The following CALN1 variants were observed in gnomAD, a reference collection of about 807,000 sequenced individuals.
The protein encoded by CALN1 is calneuron 1, also known as calcium-binding protein 8.
In CALN1, 17 loss-of-function variants were observed where a neutral mutation model predicts 30.6. The ratio of observed to expected loss-of-function variants is 0.56; its 90% CI spans 0.38 to 0.83. The LOEUF (loss-of-function observed/expected upper bound fraction) is 0.83. Ranked by LOEUF, CALN1 falls within the 40% of genes least tolerant of loss-of-function variation. The pLI is 0.00. For missense variants in CALN1, 291 were observed against 354.9 expected, an observed-to-expected ratio of 0.82 and a Z score of 1.45; for synonymous variants, 156 against 131.4, an observed-to-expected ratio of 1.19 and a Z score of -1.28.
At chr7:71,814,641 C>CGGT (rs1788153079) in intron 5 of CALN1, among the ~76,000 whole-genome samples, 2 of 152,124 alleles carry the variant, frequency 1.3e-5, no homozygotes, top group Admixed American at 1.3e-4. Context: ...ACCAACACCT[C>CGGT]CTCTTCCTCC....
intron 3 of CALN1, among the ~76,000 whole-genome samples, chr7:72,202,282 A>G (rs1791491687): frequency 6.6e-6 from 1 of 152,210 alleles, no homozygotes; most frequent in African/African-American, 2.4e-5. Flanking sequence ...GAAAAGGATA[A>G]AAGAATGAAA....
At chr7:72,233,420 A>G (rs1010044847) in intron 3 of CALN1, among the ~76,000 whole-genome samples, 26 of 152,258 alleles carry the variant, frequency 1.7e-4, no homozygotes, top group Non-Finnish European at 1.2e-4. Context: ...GTTTCCTTTC[A>G]AGAGAGAGAA....
chr7:72,036,313 C>T (rs2129533016), intron 4 of CALN1, among the ~76,000 whole-genome samples: 1 of 152,270 alleles, frequency 6.6e-6, no homozygotes, highest in East Asian at 1.9e-4. Context: ...ATGTGTCTTG[C>T]TGTGGGTCTC....
At chr7:72,307,809 G>C (rs187704018) in intron 2 of CALN1, among the ~76,000 whole-genome samples, 2 of 152,112 alleles carry the variant, frequency 1.3e-5, no homozygotes, top group Admixed American at 1.3e-4. Flanking sequence ...GCCGGGCAGA[G>C]GACAATGACT....
the CALN1 span, among the ~76,000 whole-genome samples, chr7:72,492,809 C>T: frequency 6.6e-6 from 1 of 152,232 alleles, no homozygotes; most frequent in Non-Finnish European, 1.5e-5. Flanking sequence ...CAGTCGTGCT[C>T]CTGCAATGCA....
At chr7:72,160,728 C>A (rs1788047699) in intron 3 of CALN1, among the ~76,000 whole-genome samples, 1 of 152,158 alleles carries the variant, frequency 6.6e-6, no homozygotes, top group South Asian at 2.1e-4. Context: ...TACTTATTAT[C>A]TCAGCTTATC....
chr7:72,280,059 C>A (rs1425610977), intron 2 of CALN1, among the ~76,000 whole-genome samples: 2 of 152,228 alleles, frequency 1.3e-5, no homozygotes, highest in African/African-American at 4.8e-5. Flanking sequence ...CAGCATCCTA[C>A]ATGCTATTTC....
At chr7:72,033,829 G>C (rs1562995162) in intron 4 of CALN1, among the ~76,000 whole-genome samples, 1 of 152,186 alleles carries the variant, frequency 6.6e-6, no homozygotes, top group Non-Finnish European at 1.5e-5. Context: ...AGATCAATCT[G>C]GGGACAGTAT....
At chr7:72,129,468 A>C (rs1231373618) in intron 3 of CALN1, among the ~76,000 whole-genome samples, 1 of 152,194 alleles carries the variant, frequency 6.6e-6, no homozygotes, top group Non-Finnish European at 1.5e-5. Flanking sequence ...ATAGACAGAT[A>C]GATGAATTTT....
chr7:72,343,183 G>A (rs946766110), intron 2 of CALN1, among the ~76,000 whole-genome samples: 5 of 152,304 alleles, frequency 3.3e-5, no homozygotes, highest in African/African-American at 9.6e-5. Flanking sequence ...AAACATGAAG[G>A]GGCACAGGAA....
At chr7:72,154,728 T>C (rs1291500561) in intron 3 of CALN1, among the ~76,000 whole-genome samples, 1 of 152,080 alleles carries the variant, frequency 6.6e-6, no homozygotes, top group Non-Finnish European at 1.5e-5. Context: ...CTTAATCCGA[T>C]AAGGCTGGTG....
At chr7:72,501,928 A>AAATAT in the CALN1 span, among the ~76,000 whole-genome samples, 511 of 57,920 alleles carry the variant, frequency 8.8e-3, 75 homozygotes, top group African/African-American at 0.044. Context: ...AAAAAAAAAA[A>AAATAT]ATATATATAT....
intron 5 of CALN1, among the ~76,000 whole-genome samples, chr7:71,858,511 A>G (rs1462081841): frequency 1.3e-5 from 2 of 151,860 alleles, no homozygotes; most frequent in African/African-American, 2.4e-5. Flanking sequence ...AAGAAAAAAA[A>G]AAAAGCTACA....
chr7:72,199,409 A>AC (rs1424903890), intron 3 of CALN1, among the ~76,000 whole-genome samples: 1 of 152,192 alleles, frequency 6.6e-6, no homozygotes, highest in Non-Finnish European at 1.5e-5. Flanking sequence ...AAACAGCCTA[A>AC]ATCTAGAAGG....
At chr7:72,244,725 A>G (rs1795053176) in intron 3 of CALN1, among the ~76,000 whole-genome samples, 1 of 151,900 alleles carries the variant, frequency 6.6e-6, no homozygotes, top group African/African-American at 2.4e-5. Context: ...CAGACAGAGA[A>G]AATATAGTTA....
At chr7:72,494,782 G>A in the CALN1 span, among the ~76,000 whole-genome samples, 2 of 152,020 alleles carry the variant, frequency 1.3e-5, no homozygotes, top group African/African-American at 2.4e-5. Flanking sequence ...AGGAAAGATC[G>A]CTGGAGCTCA....
intron 3 of CALN1, among the ~76,000 whole-genome samples, chr7:72,190,260 C>T (rs1207401553): frequency 6.6e-6 from 1 of 152,170 alleles, no homozygotes; most frequent in Non-Finnish European, 1.5e-5. Flanking sequence ...CCAGGAGAAT[C>T]GCCTGAACCC....
chr7:72,211,126 C>T (rs745893830), intron 3 of CALN1, among the ~76,000 whole-genome samples: 1 of 152,098 alleles, frequency 6.6e-6, no homozygotes, highest in Non-Finnish European at 1.5e-5. Flanking sequence ...TCAAAGGGTT[C>T]GTATTGCCAA....
chr7:72,283,758 T>G (rs571236830), intron 2 of CALN1, among the ~76,000 whole-genome samples: 2 of 152,174 alleles, frequency 1.3e-5, no homozygotes, highest in Non-Finnish European at 2.9e-5. Context: ...TGTAAACCAC[T>G]GTGCTGAGGG....
Sources: gnomAD v4.1 joint callset for allele counts (sites outside exome capture counted in the v4.1 genomes callset) on GRCh38, gnomAD v4.1.1 for gene constraint, MANE v1.5 for transcripts, NCBI Gene and HGNC (gene_info 2026-07-23, HGNC 2026-07-21) for gene names.